STK32C: variants seen among roughly 807,000 people sequenced by gnomAD.
STK32C encodes the protein serine/threonine-protein kinase 32C.
Under a neutral mutation model 56.5 loss-of-function variants are expected in STK32C, and 31 were observed. That is an observed-to-expected ratio of 0.55 (90% CI 0.41 to 0.74). STK32C has a LOEUF of 0.74. Ranked by LOEUF, STK32C falls within the 30% of genes least tolerant of loss-of-function variation. The pLI is 0.00. For synonymous variants in STK32C, 309 were observed against 289.4 expected (o/e 1.07, Z -0.69); for missense variants, 544 against 676.9 (o/e 0.80, Z 2.18).
intron 1 of STK32C, among the ~76,000 whole-genome samples, chr10:132,282,750 G>T (rs74161768): frequency 6.6e-6 from 1 of 152,212 alleles, no homozygotes; most frequent in Non-Finnish European, 1.5e-5. Flanking sequence ...GGGGCCACCA[G>T]TTAAACATCT....
chr10:132,317,992 G>C (rs973172598), intron 1 of STK32C, among the ~76,000 whole-genome samples: 1 of 144,542 alleles, frequency 6.9e-6, no homozygotes, highest in African/African-American at 2.6e-5. Context: ...AAAAAAGTCT[G>C]GGCACAGTGG....
rs147626120 is a variant in STK32C at position 132,300,975 on chromosome 10, T to C, written c.262+6597A>G. ...ACACAGCTCAACGGAGCTTTTTAGG[T>C]GAGGAGGAAAATCTGGCTGGGAAGG... is the stretch of plus-strand genomic sequence containing the variant. On this transcript the variant is annotated intron_variant, in intron 1 of 11. Coordinates refer to ENST00000298630, the MANE Select transcript of STK32C (RefSeq NM_173575.4). Among the ~76,000 whole-genome samples the C allele has an allele frequency of 2.3e-3, 346 of 152,060 alleles. 2 individuals are homozygous for C. Among genetic ancestry groups the C allele is most frequent in the African/African-American group, 8.0e-3 (332 of 41,480 alleles).
chr10:132,297,838 T>C (rs1040843942), intron 1 of STK32C, among the ~76,000 whole-genome samples: 1 of 152,222 alleles, frequency 6.6e-6, no homozygotes, highest in Non-Finnish European at 1.5e-5. Flanking sequence ...TGGGGCTTTA[T>C]TTTCCAAACT....
intron 1 of STK32C, among the ~76,000 whole-genome samples, chr10:132,272,659 C>A (rs7074745): frequency 2.0e-5 from 3 of 152,002 alleles, no homozygotes; most frequent in African/African-American, 4.8e-5. Context: ...CCGTCCACTC[C>A]CGCCTGGATT....
intron 1 of STK32C, among the ~76,000 whole-genome samples, chr10:132,317,327 G>A (rs116862405): frequency 0.044 from 6,666 of 152,216 alleles, 249 homozygotes; most frequent in Non-Finnish European, 0.066. Flanking sequence ...CCTCTAGTTA[G>A]GCCAAGAGTT....
At chr10:132,296,475 G>A (rs367924945) in intron 1 of STK32C, among the ~76,000 whole-genome samples, 1 of 152,126 alleles carries the variant, frequency 6.6e-6, no homozygotes, top group African/African-American at 2.4e-5. Flanking sequence ...GGAACTCTCT[G>A]TATCAGCTTC....
At chr10:132,222,160 C>T (rs1374069564) in intron 10 of STK32C, among the ~76,000 whole-genome samples, 1 of 147,874 alleles carries the variant, frequency 6.8e-6, no homozygotes, top group Non-Finnish European at 1.5e-5. Context: ...CTTCATGTGG[C>T]CATCCCTGCA....
chr10:132,226,756 C>A (rs1451031220), intron 4 of STK32C, 39 bp downstream of exon 4: 2 of 1,598,304 alleles, frequency 1.3e-6, no homozygotes, highest in East Asian at 4.5e-5. Flanking sequence ...CAGCCCCGCC[C>A]ACCTCAGCAG....
chr10:132,287,132 G>A (rs569962033), intron 1 of STK32C, among the ~76,000 whole-genome samples: 25 of 152,210 alleles, frequency 1.6e-4, no homozygotes, highest in East Asian at 3.9e-4. Context: ...GCTAGGAAAC[G>A]GTGCTGAGAA....
intron 1 of STK32C, among the ~76,000 whole-genome samples, chr10:132,271,847 C>G (rs1229148162): frequency 6.6e-6 from 1 of 152,254 alleles, no homozygotes; most frequent in African/African-American, 2.4e-5. Context: ...CCTGGGCACA[C>G]TGTGCTCAGA....
intron 1 of STK32C, among the ~76,000 whole-genome samples, chr10:132,296,508 C>G (rs2065751970): frequency 6.6e-6 from 1 of 152,164 alleles, no homozygotes; most frequent in Non-Finnish European, 1.5e-5. Context: ...TAAATCTAAA[C>G]TATCCTGAAA....
intron 1 of STK32C, among the ~76,000 whole-genome samples, chr10:132,283,281 GA>G (rs1296694241): frequency 6.6e-6 from 1 of 152,022 alleles, no homozygotes; most frequent in African/African-American, 2.4e-5. Context: ...TGGCTTTGGG[GA>G]TGACTGTAAC....
intron 1 of STK32C, among the ~76,000 whole-genome samples, chr10:132,303,148 G>A (rs571529380): frequency 5.9e-4 from 90 of 152,336 alleles, no homozygotes; most frequent in East Asian, 9.7e-4. Context: ...GGGGCTCTGC[G>A]GTGAGGGGCT....
At chr10:132,270,127 G>C (rs2064768314) in intron 1 of STK32C, among the ~76,000 whole-genome samples, 1 of 152,250 alleles carries the variant, frequency 6.6e-6, no homozygotes, top group Admixed American at 6.5e-5. Flanking sequence ...GTGAGGAGGA[G>C]GCCGAGAGAG....
chr10:132,323,731 G>A (rs976375641), downstream of STK32C, among the ~76,000 whole-genome samples: 4 of 152,180 alleles, frequency 2.6e-5, no homozygotes, highest in African/African-American at 9.7e-5. This position sits in a 1 kb window ranked among gnomAD's most constrained non-coding sequence, Gnocchi z 4.8. Flanking sequence ...CAGTGTCTTG[G>A]TCCATTTTCT....
chr10:132,325,595 C>T (rs945546658), intron 1 of STK32C, among the ~76,000 whole-genome samples: 3 of 151,920 alleles, frequency 2.0e-5, no homozygotes, highest in Admixed American at 2.0e-4. Flanking sequence ...TTCTTGCCTG[C>T]TGCCATCCGG....
chr10:132,268,003 G>C (rs1385330777), intron 1 of STK32C, among the ~76,000 whole-genome samples: 1 of 146,938 alleles, frequency 6.8e-6, no homozygotes, highest in Non-Finnish European at 1.5e-5. Flanking sequence ...GTGTGTGTCG[G>C]TGTGTGTGCA....
At chr10:132,280,619 C>T (rs1018703525) in intron 1 of STK32C, among the ~76,000 whole-genome samples, 2 of 149,394 alleles carry the variant, frequency 1.3e-5, no homozygotes, top group African/African-American at 2.5e-5. Context: ...GTGACCACGC[C>T]CCTGCACTCC....
At chr10:132,324,185 G>C (rs753000812) in exon 2 of STK32C, 27 of 775,898 alleles carry the variant, frequency 3.5e-5, no homozygotes, top group Non-Finnish European at 5.0e-5. Context: ...CCTGGGTACT[G>C]AGACAAGTTC....
Sources: gnomAD v4.1 joint callset for allele counts (sites outside exome capture counted in the v4.1 genomes callset) on GRCh38, gnomAD v4.1.1 for gene constraint, Gnocchi (gnomAD v3.1) non-coding constraint, MANE v1.5 for transcripts, NCBI Gene and HGNC (gene_info 2026-07-23, HGNC 2026-07-21) for gene names.